The following CDH8 variants were observed in gnomAD, a reference collection of about 807,000 sequenced individuals.
The protein encoded by CDH8 is cadherin-8.
A neutral mutation model predicts 68.1 loss-of-function variants in CDH8; 17 were observed. That is an observed-to-expected ratio of 0.25 (90% CI 0.17 to 0.37). CDH8 has a LOEUF of 0.37. Among genes scored for constraint, CDH8 ranks in the 10% least tolerant of loss-of-function variants. CDH8 has a pLI of 1.00. For synonymous variants in CDH8, 372 were observed against 365.1 expected (o/e 1.02, Z -0.21); for missense variants, 763 against 999.3 (o/e 0.76, Z 3.19).
intron 8 of CDH8, among the ~76,000 whole-genome samples, chr16:61,770,845 C>A (rs1382737571): frequency 6.6e-6 from 1 of 151,950 alleles, no homozygotes; most frequent in Non-Finnish European, 1.5e-5. Context: ...AGGTCTTCAA[C>A]AATCTGTGTC....
intron 10 of CDH8, among the ~76,000 whole-genome samples, chr16:61,660,806 A>T (rs1963540844): frequency 6.6e-6 from 1 of 152,098 alleles, no homozygotes; most frequent in South Asian, 2.1e-4. Context: ...ACCAACAATC[A>T]TATTCAGCAG....
rs189317577 is a variant in CDH8, at chr16:61,725,832, A to G, written c.1536+1262T>C. The G allele has an allele frequency of 2.6e-5, 4 of 150,998 alleles. No homozygotes were observed. In the Admixed American group the frequency reaches 2.6e-4, roughly 10 times the overall value. The allele number at this position is 150,998 out of a possible 1,614,324, so 9.4% of individuals were successfully genotyped here. On this transcript the variant is annotated intron_variant, in intron 9 of 11. Coordinates refer to ENST00000577390, the MANE Select transcript of CDH8 (RefSeq NM_001796.5). ...TAAAGCTGAATGCTTTGATGAGAACATGGCTAGATGTTTAAAAGTTAATCA... is the reference window on the plus strand; with the variant it reads ...TAAAGCTGAATGCTTTGATGAGAACGTGGCTAGATGTTTAAAAGTTAATCA...
At chr16:61,891,447 A>G (rs1963776279) in intron 3 of CDH8, among the ~76,000 whole-genome samples, 1 of 152,162 alleles carries the variant, frequency 6.6e-6, no homozygotes, top group Non-Finnish European at 1.5e-5. Flanking sequence ...CTAACAATTA[A>G]CTGTAACCAA....
intron 10 of CDH8, among the ~76,000 whole-genome samples, chr16:61,695,955 A>AT (rs1459334454): frequency 5.3e-5 from 8 of 152,142 alleles, no homozygotes; most frequent in Non-Finnish European, 1.0e-4. Context: ...CTGCTATCAA[A>AT]TTTGATAGCA....
intron 2 of CDH8, among the ~76,000 whole-genome samples, chr16:61,976,311 A>G (rs1965433122): frequency 6.6e-6 from 1 of 152,184 alleles, no homozygotes; most frequent in Non-Finnish European, 1.5e-5. Context: ...ATAGCCCTTC[A>G]GTACATATAG....
intron 7 of CDH8, among the ~76,000 whole-genome samples, chr16:61,811,052 G>C (rs902424383): frequency 6.7e-6 from 1 of 149,714 alleles, no homozygotes; most frequent in African/African-American, 2.5e-5. Context: ...AAGAAGACTA[G>C]TTAGATAACT....
chr16:61,925,623 C>T (rs1461906147), intron 2 of CDH8, among the ~76,000 whole-genome samples: 1 of 152,126 alleles, frequency 6.6e-6, no homozygotes, highest in Non-Finnish European at 1.5e-5. Context: ...TGTGTAATTA[C>T]AGAAGAATCA....
chr16:61,791,015 A>G (rs1373658727), intron 7 of CDH8, among the ~76,000 whole-genome samples: 1 of 151,980 alleles, frequency 6.6e-6, no homozygotes, highest in Non-Finnish European at 1.5e-5. Context: ...AAAGATAAGC[A>G]TAATTAAAAT....
At chr16:61,782,397 G>C (rs919347621) in intron 8 of CDH8, among the ~76,000 whole-genome samples, 7 of 151,780 alleles carry the variant, frequency 4.6e-5, no homozygotes, top group African/African-American at 1.5e-4. Flanking sequence ...AAAAAACGGC[G>C]CACCACGAGA....
At chr16:61,811,121 A>T (rs1431945000) in intron 7 of CDH8, among the ~76,000 whole-genome samples, 2 of 152,106 alleles carry the variant, frequency 1.3e-5, no homozygotes, top group Non-Finnish European at 2.9e-5. Context: ...TAGGCTCACA[A>T]AGACAGATAT....
chr16:62,025,538 A>G (rs1377738279), intron 1 of CDH8, among the ~76,000 whole-genome samples: 1 of 152,106 alleles, frequency 6.6e-6, no homozygotes, highest in Non-Finnish European at 1.5e-5. Flanking sequence ...CCCGGGGAGA[A>G]ATTAGCCCAA....
chr16:61,704,673 A>G (rs1964497489), intron 10 of CDH8, among the ~76,000 whole-genome samples: 1 of 152,210 alleles, frequency 6.6e-6, no homozygotes, highest in South Asian at 2.1e-4. Context: ...AGTCTGTTAC[A>G]GAAAGTTAAA....
At chr16:61,934,224 G>A (rs1964591769) in intron 2 of CDH8, 1 of 152,138 alleles carries the variant, frequency 6.6e-6, no homozygotes, top group Admixed American at 6.6e-5. Context: ...CTTGGGAAAG[G>A]TAAGTAGCAA....
chr16:61,964,532 AG>A (rs1965213842), intron 2 of CDH8, among the ~76,000 whole-genome samples: 1 of 135,062 alleles, frequency 7.4e-6, no homozygotes, highest in African/African-American at 2.6e-5. Context: ...CCAAGCTGAG[AG>A]ATTTTTTTTT....
rs1366480889 is a variant in CDH8, at chr16:61,652,470, A to T, written c.*1138T>A. Reference sequence around the variant, plus strand: ...AACACCAAATACTAGGATTATGAACAAAATAGAAAACAGTCCAAAAGTTTG... The same window carrying T: ...AACACCAAATACTAGGATTATGAACTAAATAGAAAACAGTCCAAAAGTTTG... On this transcript the variant is annotated 3_prime_UTR_variant, in exon 12 of 12. Transcript: ENST00000577390. The T allele has an allele frequency of 1.0e-5, 10 of 989,490 alleles. No homozygotes were observed. In the East Asian group the frequency reaches 4.4e-4, roughly 43 times the overall value. The allele number at this position is 989,490 out of a possible 1,614,324, so 61.3% of individuals were successfully genotyped here.
chr16:61,780,155 T>C (rs1961011081), intron 8 of CDH8, among the ~76,000 whole-genome samples: 1 of 152,242 alleles, frequency 6.6e-6, no homozygotes, highest in South Asian at 2.1e-4. Flanking sequence ...TATTTTCTCA[T>C]TGTTTTCATT....
At chr16:61,948,106 G>A (rs1964828522) in intron 2 of CDH8, among the ~76,000 whole-genome samples, 1 of 152,146 alleles carries the variant, frequency 6.6e-6, no homozygotes, top group South Asian at 2.1e-4. Flanking sequence ...ACAAACGTAT[G>A]ACCCTAAATT....
intron 7 of CDH8, among the ~76,000 whole-genome samples, chr16:61,813,555 G>T (rs1250626247): frequency 6.6e-6 from 1 of 152,140 alleles, no homozygotes; most frequent in African/African-American, 2.4e-5. Context: ...ATGCGCACTG[G>T]GGGAACAGGG....
chr16:61,958,042 A>G (rs911975975), intron 2 of CDH8, among the ~76,000 whole-genome samples: 5 of 152,176 alleles, frequency 3.3e-5, no homozygotes, highest in African/African-American at 1.2e-4. Context: ...AGGCCATTCT[A>G]GGGACTGAAT....
Sources: gnomAD v4.1 joint callset for allele counts (sites outside exome capture counted in the v4.1 genomes callset) on GRCh38, gnomAD v4.1.1 for gene constraint, MANE v1.5 for transcripts, NCBI Gene and HGNC (gene_info 2026-07-23, HGNC 2026-07-21) for gene names.